The following ZNF816 variants were observed in gnomAD, a reference collection of about 807,000 sequenced individuals.
ZNF816 encodes the protein zinc finger protein 816A.
In ZNF816, 11 loss-of-function variants were observed where a neutral mutation model predicts 8.3. The observed-to-expected ratio is 1.32, with a 90% CI of 0.83 to 2.19. The LOEUF (loss-of-function observed/expected upper bound fraction) is 2.19. Ranked by LOEUF, ZNF816 falls within the 30% of genes most tolerant of loss-of-function variation. The pLI is 0.00. For synonymous variants in ZNF816, 255 were observed against 254.5 expected, an observed-to-expected ratio of 1.00 and a Z score of -0.02; for missense variants, 710 against 779.3, an observed-to-expected ratio of 0.91 and a Z score of 1.06.
chr19:52,951,158 T>G lies in ZNF816; in HGVS notation c.617A>C (p.Lys206Thr), dbSNP rs375644634. ...AGAATGGAGGAAATTCTTCCCATAC[T>G]TATTAGAAATATGAGTTTTGAGCCT... is the stretch of plus-strand genomic sequence containing the variant. Reference protein sequence around the residue: ...SCRLKTHISNKYGKNFLHSSF... With the variant: ...SCRLKTHISNTYGKNFLHSSF... The change falls in exon 4 of 4, where the codon AAG becomes ACG. Residue 206 changes from lysine (K) to threonine (T), a missense_variant. Coordinates refer to ENST00000444460, the MANE Select transcript of ZNF816 (RefSeq NM_001202457.3). The G allele has an allele frequency of 6.5e-5, 105 of 1,614,202 alleles. No homozygotes were observed. The African/African-American group carries it at 1.2e-3, about 19-fold the overall frequency.
At chr19:52,961,547 C>T (rs1203712376) in intron 1 of ZNF816, among the ~76,000 whole-genome samples, 1 of 152,190 alleles carries the variant, frequency 6.6e-6, no homozygotes, top group Non-Finnish European at 1.5e-5. Flanking sequence ...CTGTAACCCA[C>T]TAGAACTAAT....
rs1344735529 is a variant in ZNF816, at chr19:52,951,328, G to C, written c.447C>G (p.Asn149Lys). 1 of 1,614,186 alleles carries C rather than the reference G, an allele frequency of 6.2e-7. No homozygotes were observed. Among genetic ancestry groups the C allele is most frequent in the Non-Finnish European group, 8.5e-7 (1 of 1,180,030 alleles). Residue 149 changes from asparagine (N) to lysine (K), a missense_variant, in exon 4 of 4, where the codon AAC becomes AAG. Physicochemically the swap from Asn to Lys is moderately conservative, Grantham distance 94 (BLOSUM62 0). Coordinates refer to ENST00000444460, the MANE Select transcript of ZNF816 (RefSeq NM_001202457.3). ...TDRSDHRHAG[N>K]KPIKDQLGLS... ...ATCCAAGCTGATCTTTAATAGGCTTGTTTCCAGCATGCCTGTGATCACTTC... is the reference window on the plus strand; with the variant it reads ...ATCCAAGCTGATCTTTAATAGGCTTCTTTCCAGCATGCCTGTGATCACTTC...
At position 52,949,860 on chromosome 19, in the gene ZNF816, G is replaced by A; in HGVS notation, c.1915C>T (p.His639Tyr). Residue 639 changes from histidine to tyrosine, a missense_variant, in exon 4 of 4, where the codon CAT (histidine) becomes TAT (tyrosine). Physicochemically the swap from His to Tyr is moderately conservative, Grantham distance 83 (BLOSUM62 2). Transcript: ENST00000444460. ...TCCCTACACCCATGGATTGCTTGAT[G>A]GTGAATAAGTGTTGACTGTCCAGTA... ...AFTGQSTLIH[H>Y]QAIHGCRETL... 2 of 1,613,646 alleles carry A rather than the reference G, an allele frequency of 1.2e-6. No homozygotes were observed. Among genetic ancestry groups the A allele is most frequent in the Non-Finnish European group, 1.7e-6 (2 of 1,179,674 alleles).
intron 1 of ZNF816, among the ~76,000 whole-genome samples, chr19:52,958,639 TA>T (rs1408827081): frequency 6.6e-6 from 1 of 152,144 alleles, no homozygotes; most frequent in Non-Finnish European, 1.5e-5. Context: ...ACTATAGGTA[TA>T]AGTTGTCCAA....
At position 52,949,724 on chromosome 19, in the gene ZNF816, T is replaced by C. The variant is rs1247816656; in HGVS notation, c.*95A>G. On this transcript the variant is annotated 3_prime_UTR_variant, in exon 4 of 4. Coordinates refer to ENST00000444460, the MANE Select transcript of ZNF816 (RefSeq NM_001202457.3). ...AAGTTATGAATGACGTCTGAAAAAT[T>C]TGCCACATTTATTACACTTGTAGAT... The C allele has an allele frequency of 9.5e-6, 15 of 1,583,498 alleles. No homozygotes were observed. Among genetic ancestry groups the C allele is most frequent in the South Asian group, 6.7e-5 (6 of 89,358 alleles).
Position 52,950,510 on chromosome 19 carries a change from T to G in ZNF816, c.1265A>C (p.Glu422Ala). 2 of 1,612,812 alleles carry G rather than the reference T, an allele frequency of 1.2e-6. No individual in the cohort carries two copies. Among genetic ancestry groups the G allele is most frequent in the South Asian group, 2.2e-5 (2 of 91,030 alleles). ...LERHRKIHTGEGSYKCKVCDK... is the reference protein window; with the variant it reads ...LERHRKIHTGAGSYKCKVCDK... ...ACAAACCTTACATTTGTATGATCCCTCTCCAGTATGAATCTTCCTATGTCT... is the reference window on the plus strand; with the variant it reads ...ACAAACCTTACATTTGTATGATCCCGCTCCAGTATGAATCTTCCTATGTCT... The change falls in exon 4 of 4, where the codon GAG becomes GCG. Residue 422 changes from glutamate to alanine, a missense_variant. Coordinates refer to ENST00000444460, the MANE Select transcript of ZNF816 (RefSeq NM_001202457.3).
In ZNF816 at chr19:52,951,166, AAT is replaced by A; in HGVS notation, c.607_608del (p.Ile203PhefsTer2). ...QRISCRLKTHISNKYGKNFLH... is the reference protein window; with the variant it reads ...QRISCRLKTHXSNKYGKNFLH... ...GGAAATTCTTCCCATACTTATTAGA[AAT>A]ATGAGTTTTGAGCCTACAAGAAATT... On this transcript the variant is annotated frameshift_variant, in exon 4 of 4. Coordinates refer to ENST00000444460, the MANE Select transcript of ZNF816 (RefSeq NM_001202457.3). LOFTEE classifies it low-confidence loss of function (END_TRUNC). 6.2e-7 allele frequency: 1 copy of A among 1,614,114 alleles called. No homozygotes were observed. Among genetic ancestry groups the A allele is most frequent in the Non-Finnish European group, 8.5e-7 (1 of 1,180,038 alleles).
chr19:52,956,703 C>G (rs1365845846), intron 1 of ZNF816, among the ~76,000 whole-genome samples: 1 of 152,268 alleles, frequency 6.6e-6, no homozygotes, highest in South Asian at 2.1e-4. Context: ...AGCTGTGGTC[C>G]CAGCTACTCT....
intron 1 of ZNF816, chr19:52,960,164 C>G (rs1002380277): frequency 5.1e-6 from 1 of 195,128 alleles, no homozygotes; most frequent in African/African-American, 2.4e-5. Flanking sequence ...AACCGTGGCA[C>G]AGCGGTGTGT....
At chr19:52,951,667 C>T (rs1307940084) in intron 3 of ZNF816, 83 bp from the exon 4 acceptor site, 8 of 1,291,210 alleles carry the variant, frequency 6.2e-6, no homozygotes, top group Non-Finnish European at 7.4e-6. Context: ...AAAAATTACA[C>T]AAAAAGCAAT....
In ZNF816 at chr19:52,950,256, T is replaced by G. The variant is rs777890637; in HGVS notation, c.1519A>C (p.Lys507Gln). 3.1e-6 allele frequency: 5 copies of G among 1,613,614 alleles called. No homozygotes were observed. In the African/African-American group the frequency reaches 5.3e-5, roughly 17 times the overall value. Residue 507 changes from lysine to glutamine, a missense_variant, in exon 4 of 4, where the codon AAA becomes CAA. Transcript: ENST00000444460. ...ARHHRLHAGE[K>Q]PYKCEECDKV... ...TCACATTCTTCACATTTGTAAGGTT[T>G]CTCTCCAGCATGAAGTCTATGATGA...
intron 1 of ZNF816, among the ~76,000 whole-genome samples, chr19:52,958,826 C>G (rs2083532126): frequency 6.6e-6 from 1 of 152,204 alleles, no homozygotes; most frequent in African/African-American, 2.4e-5. Flanking sequence ...ACCGTGGATC[C>G]CAAACTTTGT....
chr19:52,962,466 A>C (rs1273390052), intron 1 of ZNF816, among the ~76,000 whole-genome samples: 1 of 151,916 alleles, frequency 6.6e-6, no homozygotes, highest in Non-Finnish European at 1.5e-5. Flanking sequence ...AGCACCGGCC[A>C]CCCTGGGGCT....
At position 52,951,265 on chromosome 19, in the gene ZNF816, A is replaced by C. The variant is rs770262740; in HGVS notation, c.510T>G (p.Phe170Leu). 6.2e-6 allele frequency: 10 copies of C among 1,614,064 alleles called. No individual in the cohort carries two copies. The highest frequency in any genetic ancestry group is 6.8e-6 in the Non-Finnish European group (8 of 1,180,036). The change falls in exon 4 of 4, where the codon TTT becomes TTG. Residue 170 changes from phenylalanine (F) to leucine (L), a missense_variant. Phe to Leu is a conservative substitution (Grantham distance 22). Coordinates refer to ENST00000444460, the MANE Select transcript of ZNF816 (RefSeq NM_001202457.3). ...GGTTACTAATTTTCCCTTTAGTCTGAAACATGTGGAGTTCAGGCAGATGCG... is the reference window on the plus strand; with the variant it reads ...GGTTACTAATTTTCCCTTTAGTCTGCAACATGTGGAGTTCAGGCAGATGCG... ...FHSHLPELHM[F>L]QTKGKISNQL...
chr19:52,961,351 A>G (rs898479067), intron 1 of ZNF816, among the ~76,000 whole-genome samples: 3 of 152,266 alleles, frequency 2.0e-5, no homozygotes, highest in Admixed American at 1.3e-4. Context: ...ACAAGCTCAG[A>G]TTAAGATGTG....
intron 1 of ZNF816, chr19:52,960,089 C>T: frequency 6.2e-6 from 1 of 160,816 alleles, no homozygotes; most frequent in South Asian, 1.6e-4. Context: ...CCATCTAGGT[C>T]AGGAGTCACT....
intron 3 of ZNF816, among the ~76,000 whole-genome samples, chr19:52,952,356 G>A (rs149010438): frequency 1.3e-4 from 20 of 151,560 alleles, no homozygotes; most frequent in African/African-American, 3.9e-4. Context: ...TTCAACAGAG[G>A]GAGACTCTGT....
rs1328095837 is a variant in ZNF816, at chr19:52,949,654, A to G, written c.*165T>C. On this transcript the variant is annotated 3_prime_UTR_variant, in exon 4 of 4. Coordinates refer to ENST00000444460, the MANE Select transcript of ZNF816 (RefSeq NM_001202457.3). ...GACTGAAGACCTTGTCACAGTCATG[A>G]TATTTGTAAGGTTTCTCTCCAGTAT... 6.4e-6 allele frequency: 7 copies of G among 1,099,684 alleles called. No individual in the cohort carries two copies. Among genetic ancestry groups the G allele is most frequent in the East Asian group, 2.4e-5 (1 of 41,872 alleles). 68.1% of individuals were successfully genotyped at this position (1,099,684 alleles called of 1,614,324 possible). A position where few individuals can be genotyped will look rare whatever the true frequency, so the allele number is the denominator to read the frequency against.
intron 3 of ZNF816, chr19:52,951,957 T>C: frequency 7.4e-6 from 3 of 406,656 alleles, no homozygotes; most frequent in Non-Finnish European, 1.3e-5. Context: ...GCCTGAATGA[T>C]GTCCTCCCTA....
Sources: gnomAD v4.1 joint callset for allele counts (sites outside exome capture counted in the v4.1 genomes callset) on GRCh38, gnomAD v4.1.1 for gene constraint, MANE v1.5 for transcripts, NCBI Gene and HGNC (gene_info 2026-07-23, HGNC 2026-07-21) for gene names.